The following ABCC5 variants were observed in gnomAD, a reference collection of about 807,000 sequenced individuals.
ABCC5 encodes ATP binding cassette subfamily C member 5, also known as ATP-binding cassette sub-family C member 5.
Under a neutral mutation model 160.9 loss-of-function variants are expected in ABCC5, and 61 were observed. The observed-to-expected ratio is 0.38, with a 90% CI of 0.31 to 0.47. ABCC5 has a LOEUF of 0.47. Among genes scored for constraint, ABCC5 ranks in the 20% least tolerant of loss-of-function variants. The pLI is 0.99. For synonymous variants in ABCC5, 666 were observed against 700.6 expected, an observed-to-expected ratio of 0.95 and a Z score of 0.78; for missense variants, 1,308 against 1,813.3, an observed-to-expected ratio of 0.72 and a Z score of 5.06.
At chr3:183,926,290 G>GTA in intron 28 of ABCC5, among the ~76,000 whole-genome samples, 3 of 151,354 alleles carry the variant, frequency 2.0e-5, no homozygotes, top group Non-Finnish European at 4.4e-5. Context: ...AGTGGCTCAT[G>GTA]CCTGTAATCC....
At chr3:184,004,347 T>TA (rs1357701665) in intron 2 of ABCC5, among the ~76,000 whole-genome samples, 1 of 151,508 alleles carries the variant, frequency 6.6e-6, no homozygotes, top group Non-Finnish European at 1.5e-5. Flanking sequence ...CTGTCTCTAC[T>TA]AAAAATGCAA....
At chr3:183,936,630 C>T (rs369842771) in intron 26 of ABCC5, among the ~76,000 whole-genome samples, 2 of 152,164 alleles carry the variant, frequency 1.3e-5, no homozygotes, top group African/African-American at 4.8e-5. Flanking sequence ...GCCTCAGCCT[C>T]CCAAGTAGCT....
chr3:183,981,460 G>A (rs950736800), intron 8 of ABCC5, among the ~76,000 whole-genome samples: 1 of 152,192 alleles, frequency 6.6e-6, no homozygotes, highest in African/African-American at 2.4e-5. Flanking sequence ...AGGGGGCTTC[G>A]AAACTGGATT....
chr3:183,951,903 G>GCCA lies in ABCC5; in HGVS notation c.2765_2767dup (p.Met922_Ala923insVal), dbSNP rs1445523446. 23 of 1,614,044 alleles carry GCCA rather than the reference G, an allele frequency of 1.4e-5. No individual in the cohort carries two copies. The highest frequency in any genetic ancestry group is 1.9e-5 in the Non-Finnish European group (22 of 1,179,940). On this transcript the variant is annotated inframe_insertion, in exon 19 of 30. Transcript: ENST00000334444. This position sits in a 1 kb window ranked among gnomAD's most constrained non-coding sequence, Gnocchi z 4.7. ...AATGGCTTTCAGGATCAGCATGACT[G>GCCA]CCATGGAGAGGGCGTAGATGCTGGC...
At position 183,965,357 on chromosome 3, in the gene ABCC5, A is replaced by G. The variant is rs3817403; in HGVS notation, c.1958+20T>C. The G allele has an allele frequency of 6.7e-3, 10,807 of 1,614,208 alleles. 370 individuals are homozygous for G. The East Asian group carries it at 0.091, about 14-fold the overall frequency. On this transcript the variant is annotated intron_variant, in intron 13 of 29. Transcript: ENST00000334444. ...ACGCGGCCAAGATGGAAAGCATGAC[A>G]GAAGCCAAACATTCCTTGCCTTTCT... is the stretch of plus-strand genomic sequence containing the variant.
At chr3:184,011,783 GA>G (rs1423283646) in intron 2 of ABCC5, among the ~76,000 whole-genome samples, 3 of 152,148 alleles carry the variant, frequency 2.0e-5, no homozygotes, top group Admixed American at 1.3e-4. Context: ...TCAGCTGAGT[GA>G]AAAAAGCAAT....
intron 2 of ABCC5, among the ~76,000 whole-genome samples, chr3:183,998,471 A>G (rs978884674): frequency 6.6e-6 from 1 of 152,206 alleles, no homozygotes; most frequent in South Asian, 2.1e-4. Context: ...ACAAACCAAC[A>G]TAGCATGTAC....
intron 16 of ABCC5, 90 bp downstream of exon 16, chr3:183,961,421 G>A (rs530360060): frequency 1.3e-6 from 2 of 1,484,758 alleles, no homozygotes; most frequent in East Asian, 2.4e-5. Flanking sequence ...ACAGACACTG[G>A]ATTCAGCTGA....
rs149227163 is a variant in ABCC5 at position 183,998,863 on chromosome 3, G to A, written c.130-9480C>T. On this transcript the variant is annotated intron_variant, in intron 2 of 29. Coordinates refer to ENST00000334444, the MANE Select transcript of ABCC5 (RefSeq NM_005688.4). The stretch of plus-strand genomic sequence containing the variant: ...CCAGCATTTTAGAAGGCTGAGGCGG[G>A]TGGATCACCTGAGGTCAAGAGTTCG... Among the ~76,000 whole-genome samples the A allele has an allele frequency of 5.8e-3, 876 of 152,218 alleles. 3 individuals are homozygous for A. Among genetic ancestry groups the A allele is most frequent in the Non-Finnish European group, 8.9e-3 (608 of 67,998 alleles).
At chr3:183,965,594 T>G in intron 12 of ABCC5, 93 bp from the exon 13 acceptor site, 17 of 1,529,586 alleles carry the variant, frequency 1.1e-5, no homozygotes, top group Non-Finnish European at 1.4e-5. Context: ...AATCTAGCTC[T>G]GGTAATTTCC....
chr3:183,975,073 A>G (rs1718091022), intron 10 of ABCC5, among the ~76,000 whole-genome samples: 1 of 152,236 alleles, frequency 6.6e-6, no homozygotes, highest in African/African-American at 2.4e-5. Context: ...TCTATATTCC[A>G]TCTTCTAAAA....
Position 183,949,829 on chromosome 3 carries a change from G to T in ABCC5, c.3151C>A (p.Leu1051Ile). The T allele has an allele frequency of 6.2e-7, 1 of 1,614,188 alleles. No individual in the cohort carries two copies. Among genetic ancestry groups the T allele is most frequent in the Non-Finnish European group, 8.5e-7 (1 of 1,180,046 alleles). Residue 1051 changes from leucine to isoleucine, a missense_variant, in exon 22 of 30, where the codon CTC (leucine) becomes ATC (isoleucine). Physicochemically the swap from Leu to Ile is conservative, Grantham distance 5. This residue lies in a region of ABCC5 where 1,142 missense variants were observed against 1,527.1 expected (regional missense o/e 0.75). Coordinates refer to ENST00000334444, the MANE Select transcript of ABCC5 (RefSeq NM_005688.4). The surrounding 1 kb of genome is among the most constrained non-coding windows in gnomAD (Gnocchi z 4.2). ...RLDNITQSPF[L>I]SHITSSIQGL... ...TGTATGCTGGACGTGATGTGGGAGA[G>T]GAAAGGTGACTGCGTGATATTGTCC...
chr3:183,981,243 C>T (rs1372359199), intron 8 of ABCC5, among the ~76,000 whole-genome samples: 1 of 152,304 alleles, frequency 6.6e-6, no homozygotes, highest in East Asian at 1.9e-4. Flanking sequence ...TTTCTCCTAG[C>T]TTTGTGGGCA....
chr3:183,948,859 G>A (rs894791574), intron 22 of ABCC5, among the ~76,000 whole-genome samples: 2 of 151,934 alleles, frequency 1.3e-5, no homozygotes, highest in African/African-American at 2.4e-5. Flanking sequence ...CTGCCACCAC[G>A]CCTGGTTAAT....
In ABCC5 at chr3:183,958,145, T is replaced by A. The variant is rs115663763; in HGVS notation, c.2482+1588A>T. ...GGTTACATGCAGATCCGTGTGTATA[T>A]CACATTGGTTACATGCAGATTCGTG... On this transcript the variant is annotated intron_variant, in intron 17 of 29. Coordinates refer to ENST00000334444, the MANE Select transcript of ABCC5 (RefSeq NM_005688.4). 5.9e-3 allele frequency among the ~76,000 whole-genome samples: 897 copies of A among 152,336 alleles called. 9 individuals are homozygous for A. The highest frequency in any genetic ancestry group is 0.021 in the African/African-American group (859 of 41,570).
At chr3:183,985,415 G>A (rs779950829) in intron 5 of ABCC5, 2 of 1,563,492 alleles carry the variant, frequency 1.3e-6, no homozygotes, top group South Asian at 1.1e-5. Context: ...CCACTACAGA[G>A]AGACTCCCCC....
intron 2 of ABCC5, among the ~76,000 whole-genome samples, chr3:183,994,267 A>T (rs1448432390): frequency 6.6e-6 from 1 of 152,200 alleles, no homozygotes; most frequent in Non-Finnish European, 1.5e-5. Flanking sequence ...TTATGATTCA[A>T]ATATTAGTTG....
intron 27 of ABCC5, among the ~76,000 whole-genome samples, chr3:183,928,332 G>A (rs1449734389): frequency 1.3e-5 from 2 of 151,960 alleles, no homozygotes; most frequent in Non-Finnish European, 2.9e-5. Flanking sequence ...GGCTGGTCTC[G>A]AACTCCTGAC....
chr3:183,972,134 A>C, intron 10 of ABCC5: 1 of 839,490 alleles, frequency 1.2e-6, no homozygotes, highest in Non-Finnish European at 1.9e-6. Flanking sequence ...GGGCCTTATC[A>C]ATGACCCAAT....
Sources: gnomAD v4.1 joint callset for allele counts (sites outside exome capture counted in the v4.1 genomes callset) on GRCh38, gnomAD v4.1.1 for gene constraint, gnomAD v4.1.1 regional missense constraint, Gnocchi (gnomAD v3.1) non-coding constraint, MANE v1.5 for transcripts, NCBI Gene and HGNC (gene_info 2026-07-23, HGNC 2026-07-21) for gene names.